Variants in ZNF91 observed in about 807,000 individuals in gnomAD.
ZNF91 encodes zinc finger protein 91 (HPF7, HTF10).
Under a neutral mutation model 12.6 loss-of-function variants are expected in ZNF91, and 7 were observed. The ratio of observed to expected loss-of-function variants is 0.55; its 90% CI spans 0.31 to 1.04. The LOEUF is 1.04. ZNF91 is among the 50% of genes least tolerant of loss of function. The probability of loss-of-function intolerance (pLI) is 0.05; values close to 1 mark genes in which losing one functional copy is unlikely to be tolerated. For synonymous variants in ZNF91, 453 were observed against 462.6 expected (o/e 0.98, Z 0.27); for missense variants, 1,217 against 1,385.4 (o/e 0.88, Z 1.93).
At chr19:23,343,158 A>G (rs901095711) in intron 3 of ZNF91, among the ~76,000 whole-genome samples, 13 of 152,226 alleles carry the variant, frequency 8.5e-5, no homozygotes, top group African/African-American at 2.4e-4. Context: ...TTTGAGTGCC[A>G]TATTTACATT....
intron 1 of ZNF91, among the ~76,000 whole-genome samples, chr19:23,323,742 TCTC>T (rs200223756): frequency 0.14 from 19,270 of 138,456 alleles, 2,052 homozygotes; most frequent in East Asian, 0.37. Context: ...CTCATTCTCC[TCTC>T]CTCTTTTTCT....
At chr19:23,387,495 C>T (rs71333885) in intron 1 of ZNF91, among the ~76,000 whole-genome samples, 46,354 of 151,800 alleles carry the variant, frequency 0.31, 7,631 homozygotes, top group African/African-American at 0.43. Context: ...GGCAGGTGGA[C>T]TGCCTGAGCT....
chr19:23,345,913 C>T (rs1840987982), intron 3 of ZNF91, among the ~76,000 whole-genome samples: 1 of 152,044 alleles, frequency 6.6e-6, no homozygotes, highest in Admixed American at 6.6e-5. Context: ...CCTATCTATC[C>T]TCCACTGCCT....
intron 3 of ZNF91, among the ~76,000 whole-genome samples, chr19:23,350,765 T>G (rs1288144425): frequency 6.6e-6 from 1 of 152,090 alleles, no homozygotes; most frequent in African/African-American, 2.4e-5. Context: ...ACATTCCACC[T>G]GAAGACTGAG....
At chr19:23,355,227 T>C (rs2145036662), downstream of ZNF91, among the ~76,000 whole-genome samples, 1 of 152,266 alleles carries the variant, frequency 6.6e-6, no homozygotes, top group African/African-American at 2.4e-5. Context: ...AAGGCCATGG[T>C]CACCAAAACA....
chr19:23,316,690 C>A lies in ZNF91; in HGVS notation n.117-7593G>T, dbSNP rs147443709. Among the ~76,000 whole-genome samples the A allele has an allele frequency of 6.8e-3, 1,029 of 152,268 alleles. 6 individuals are homozygous for A. Among genetic ancestry groups the A allele is most frequent in the Non-Finnish European group, 0.011 (730 of 68,020 alleles). ...TAACGACTCTCATGCCACACATCAG[C>A]CAATAGAAAGGATACTGTCAGTTTT... On this transcript the variant is annotated intron_variant and non_coding_transcript_variant, in intron 1 of 1. Coordinates refer to the ZNF91 transcript ENST00000596528.
chr19:23,342,065 C>T, intron 3 of ZNF91: 1 of 327,424 alleles, frequency 3.1e-6, no homozygotes, highest in Non-Finnish European at 5.6e-6. Context: ...TTTAGGAAAC[C>T]TTTCCATGGA....
downstream of ZNF91, among the ~76,000 whole-genome samples, chr19:23,357,237 AAAC>A (rs71163489): frequency 7.1e-4 from 108 of 151,634 alleles, no homozygotes; most frequent in African/African-American, 2.4e-3. Flanking sequence ...AAAAACAAAC[AAAC>A]AACAACAACA....
rs751745503 is a variant in ZNF91, at chr19:23,360,449, G to A, written c.2530C>T (p.His844Tyr). ...AFKHSSALAKHKIIHAGEKLY... is the reference protein window; with the variant it reads ...AFKHSSALAKYKIIHAGEKLY... ...TTCTCTCCAGCATGTATTATTTTAT[G>A]TTTAGCAAGGGCTGAGGAGTGCTTA... Residue 844 changes from histidine to tyrosine, a missense_variant, in exon 4 of 4, where the codon CAT becomes TAT. Around this residue, in one of 2 missense-constraint regions of ZNF91, gnomAD observed 491 missense variants for 489.8 expected, o/e 1.00. Coordinates refer to ENST00000300619, the MANE Select transcript of ZNF91 (RefSeq NM_003430.4). The A allele has an allele frequency of 3.7e-6, 6 of 1,613,738 alleles. No individual in the cohort carries two copies. The highest frequency in any genetic ancestry group is 2.2e-5 in the South Asian group (2 of 91,078).
At chr19:23,327,094 T>A (rs1311669791) in intron 1 of ZNF91, 12 of 152,230 alleles carry the variant, frequency 7.9e-5, no homozygotes, top group Admixed American at 1.3e-4. Context: ...TTAATAGGAG[T>A]GTTGCTTTGT....
rs531632859 is a variant in ZNF91, at chr19:23,359,896, C to T, written c.3083G>A (p.Gly1028Asp). The T allele has an allele frequency of 4.4e-4, 697 of 1,585,164 alleles. 12 individuals carry two copies. In the South Asian group the frequency reaches 7.4e-3, roughly 17 times the overall value. Residue 1028 changes from glycine to aspartate, a missense_variant, in exon 4 of 4, where the codon GGC (glycine) becomes GAC (aspartate). Transcript: ENST00000300619. Reference protein sequence around the residue: ...GEKPYKCEECGKAFNRSSKLT... With the variant: ...GEKPYKCEECDKAFNRSSKLT... Reference sequence around the variant, plus strand: ...CTTTGAGGATCGATTAAAAGCTTTGCCACATTCTTCACATTTGTATGGTTT... The same window carrying T: ...CTTTGAGGATCGATTAAAAGCTTTGTCACATTCTTCACATTTGTATGGTTT...
At chr19:23,374,807 G>C in intron 1 of ZNF91, 43 bp from the exon 2 acceptor site, 1 of 1,594,120 alleles carries the variant, frequency 6.3e-7, no homozygotes, top group Non-Finnish European at 8.5e-7. Context: ...AAGTGGCTAT[G>C]GGCAGAATTT....
downstream of ZNF91, among the ~76,000 whole-genome samples, chr19:23,353,752 G>C (rs1193180223): frequency 6.6e-6 from 1 of 152,060 alleles, no homozygotes; most frequent in Non-Finnish European, 1.5e-5. Context: ...ACTGAGAAAT[G>C]AAACAGGAGA....
Position 23,360,595 on chromosome 19 carries a change from T to G in ZNF91, c.2384A>C (p.Glu795Ala). Residue 795 changes from glutamate to alanine, a missense_variant, in exon 4 of 4, where the codon GAG (glutamate) becomes GCG (alanine). This residue lies in a region of ZNF91 where 491 missense variants were observed against 489.8 expected (regional missense o/e 1.00). Coordinates refer to ENST00000300619, the MANE Select transcript of ZNF91 (RefSeq NM_003430.4). Reference protein sequence around the residue: ...LTRHKRIHTGEKPYKCEECGK... With the variant: ...LTRHKRIHTGAKPYKCEECGK... Reference sequence around the variant, plus strand: ...ACATTCTTCACATTTGTAGGGCTTCTCTCCAGTGTGTATCCTCTTATGTCT... The same window carrying G: ...ACATTCTTCACATTTGTAGGGCTTCGCTCCAGTGTGTATCCTCTTATGTCT... 1.2e-6 allele frequency: 2 copies of G among 1,614,048 alleles called. No homozygotes were observed. The highest frequency in any genetic ancestry group is 1.1e-5 in the South Asian group (1 of 91,076).
intron 3 of ZNF91, among the ~76,000 whole-genome samples, chr19:23,347,022 C>T (rs986678145): frequency 3.9e-5 from 6 of 152,128 alleles, no homozygotes; most frequent in Admixed American, 6.5e-5. Context: ...CCTAACAGAC[C>T]AACCCCTTCC....
chr19:23,394,530 A>G (rs1424754579), intron 1 of ZNF91, among the ~76,000 whole-genome samples: 1 of 152,116 alleles, frequency 6.6e-6, no homozygotes, highest in African/African-American at 2.4e-5. Context: ...CAGGAGTTCC[A>G]GACCAGCCTG....
At chr19:23,306,300 G>A (rs1479574615) in intron 3 of ZNF91, among the ~76,000 whole-genome samples, 1 of 152,196 alleles carries the variant, frequency 6.6e-6, no homozygotes, top group Non-Finnish European at 1.5e-5. Context: ...GGACCTTCCT[G>A]CAGGTGTGAT....
At chr19:23,368,198 A>C (rs1392357922) in intron 3 of ZNF91, among the ~76,000 whole-genome samples, 4 of 151,998 alleles carry the variant, frequency 2.6e-5, no homozygotes. Context: ...CCAGCCGCAT[A>C]AATTTTTAAT....
chr19:23,385,951 T>C (rs1267987246), intron 1 of ZNF91, among the ~76,000 whole-genome samples: 1 of 152,160 alleles, frequency 6.6e-6, no homozygotes, highest in Non-Finnish European at 1.5e-5. Context: ...TATTTTTACA[T>C]GCCTTTGGAA....
Sources: gnomAD v4.1 joint callset for allele counts (sites outside exome capture counted in the v4.1 genomes callset) on GRCh38, gnomAD v4.1.1 for gene constraint, gnomAD v4.1.1 regional missense constraint, MANE v1.5 for transcripts, NCBI Gene and HGNC (gene_info 2026-07-23, HGNC 2026-07-21) for gene names.